GRB14: variants seen among roughly 807,000 people sequenced by gnomAD.
The protein encoded by GRB14 is growth factor receptor bound protein 14, also known as growth factor receptor-bound protein 14.
A neutral mutation model predicts 69.1 loss-of-function variants in GRB14; 38 were observed. The observed-to-expected ratio is 0.55, with a 90% confidence interval of 0.42 to 0.72. The LOEUF is 0.72. Ranked by LOEUF, GRB14 falls within the 30% of genes least tolerant of loss-of-function variation. The pLI, the probability that GRB14 is intolerant of heterozygous loss-of-function variation, is 0.00. For synonymous variants in GRB14, 247 were observed against 241.3 expected (o/e 1.02, Z -0.22); for missense variants, 666 against 666.1 (o/e 1.00, Z 0.00).
chr2:164,522,315 CTCTT>C (rs750495732), intron 5 of GRB14, among the ~76,000 whole-genome samples, 198 bp from the exon 6 acceptor site: 4 of 152,014 alleles, frequency 2.6e-5, no homozygotes, highest in African/African-American at 4.8e-5. Context: ...TCCTCTGTCT[CTCTT>C]TCTATCTCCG....
chr2:164,583,740 G>A (rs1415787705), intron 2 of GRB14, among the ~76,000 whole-genome samples: 1 of 152,060 alleles, frequency 6.6e-6, no homozygotes, highest in East Asian at 1.9e-4. Flanking sequence ...AAGAATATAA[G>A]ATAAAACATC....
At chr2:164,547,620 A>T in intron 3 of GRB14, 40 bp downstream of exon 3, 1 of 1,530,586 alleles carries the variant, frequency 6.5e-7, no homozygotes, top group Non-Finnish European at 8.9e-7. Flanking sequence ...AACAAGAAAT[A>T]GAAAAGCAAT....
At chr2:164,546,264 T>G (rs763240647) in intron 3 of GRB14, among the ~76,000 whole-genome samples, 96 of 152,192 alleles carry the variant, frequency 6.3e-4, no homozygotes, top group Non-Finnish European at 1.1e-3. Flanking sequence ...CTTTCTCTTG[T>G]GACTACAAAT....
chr2:164,505,448 G>A (rs918510888), intron 8 of GRB14, among the ~76,000 whole-genome samples: 13 of 152,072 alleles, frequency 8.5e-5, no homozygotes, highest in African/African-American at 3.1e-4. Context: ...AACCTTTGGT[G>A]GGATCAAGAA....
At chr2:164,572,618 T>G (rs761196313) in intron 2 of GRB14, among the ~76,000 whole-genome samples, 1 of 152,242 alleles carries the variant, frequency 6.6e-6, no homozygotes, top group Non-Finnish European at 1.5e-5. Flanking sequence ...ATTCAAACCC[T>G]ACCTGTCCTT....
intron 2 of GRB14, among the ~76,000 whole-genome samples, chr2:164,613,164 A>T (rs1293670107): frequency 6.6e-6 from 1 of 152,228 alleles, no homozygotes; most frequent in African/African-American, 2.4e-5. Flanking sequence ...ATTGAGACAA[A>T]GGAGCTGAAC....
At chr2:164,558,784 G>T (rs900286644) in intron 2 of GRB14, among the ~76,000 whole-genome samples, 2 of 152,182 alleles carry the variant, frequency 1.3e-5, no homozygotes, top group African/African-American at 4.8e-5. Context: ...GATTCACACA[G>T]TGAGAAAGAA....
At chr2:164,570,185 G>C (rs943738878) in intron 2 of GRB14, among the ~76,000 whole-genome samples, 2 of 149,952 alleles carry the variant, frequency 1.3e-5, no homozygotes, top group African/African-American at 4.9e-5. Context: ...TGAGAGGCAG[G>C]AGAATTGCTT....
chr2:164,519,018 C>T (rs1687566333), intron 6 of GRB14, among the ~76,000 whole-genome samples: 1 of 152,074 alleles, frequency 6.6e-6, no homozygotes. Flanking sequence ...CTATATCATT[C>T]TATGAAGCCA....
At chr2:164,539,042 C>A (rs1428002331) in intron 3 of GRB14, among the ~76,000 whole-genome samples, 2 of 151,962 alleles carry the variant, frequency 1.3e-5, no homozygotes, top group African/African-American at 4.8e-5. Context: ...TGGGAAGAAA[C>A]CAACTTGCTT....
At chr2:164,607,106 C>G (rs1227989934) in intron 2 of GRB14, among the ~76,000 whole-genome samples, 1 of 152,162 alleles carries the variant, frequency 6.6e-6, no homozygotes, top group Non-Finnish European at 1.5e-5. Context: ...TTATCCTGAC[C>G]AGGCTCTTTT....
chr2:164,542,283 C>T (rs772464042), intron 3 of GRB14, among the ~76,000 whole-genome samples: 1 of 151,996 alleles, frequency 6.6e-6, no homozygotes, highest in African/African-American at 2.4e-5. Flanking sequence ...TAGCTCAGGA[C>T]GGATTAAAGA....
intron 2 of GRB14, among the ~76,000 whole-genome samples, chr2:164,574,779 C>CA (rs1011171027): frequency 2.6e-5 from 4 of 151,360 alleles, no homozygotes; most frequent in African/African-American, 2.4e-5. Flanking sequence ...TGTCTCTCTA[C>CA]AAAAAATAAA....
At position 164,525,004 on chromosome 2, in the gene GRB14, C is replaced by G; in HGVS notation, c.678G>C (p.Gln226His). ...NGEISPTQIL[Q>H]MFLSSSTYPE... ...ATATGTTAATAAAAATATATTTTAC[C>G]TGCAAAATCTGTGTGGGGGATATTT... Residue 226 changes from glutamine (Q) to histidine (H), a missense_variant and splice_region_variant, in exon 5 of 14, where the codon CAG (glutamine) becomes CAC (histidine). Coordinates refer to ENST00000263915, the MANE Select transcript of GRB14 (RefSeq NM_004490.3). 1.3e-6 allele frequency: 2 copies of G among 1,539,146 alleles called. No homozygotes were observed. The highest frequency in any genetic ancestry group is 1.8e-6 in the Non-Finnish European group (2 of 1,127,562).
chr2:164,497,576 G>T, intron 9 of GRB14, 86 bp from the exon 10 acceptor site: 1 of 917,288 alleles, frequency 1.1e-6, no homozygotes, highest in East Asian at 2.5e-5. Flanking sequence ...CAATTTCAGT[G>T]TTTTTCTCTC....
At chr2:164,524,445 A>G (rs1019545656) in intron 5 of GRB14, among the ~76,000 whole-genome samples, 1 of 152,108 alleles carries the variant, frequency 6.6e-6, no homozygotes, top group African/African-American at 2.4e-5. Context: ...ACACAAAAAT[A>G]AGGAGATTTT....
In GRB14 at chr2:164,582,310, A is replaced by C. The variant is rs555609899; in HGVS notation, c.325-34494T>G. 2.6e-5 allele frequency among the ~76,000 whole-genome samples: 4 copies of C among 152,158 alleles called. No homozygotes were observed. In the East Asian group the frequency reaches 7.7e-4, roughly 29 times the overall value. ...GGAGTCATTTTTGACATTTCCCTCT[A>C]TTCACATCCCATATCCATATCCACT... On this transcript the variant is annotated intron_variant, in intron 2 of 13. Coordinates refer to ENST00000263915, the MANE Select transcript of GRB14 (RefSeq NM_004490.3).
chr2:164,528,820 G>A (rs554178903), intron 3 of GRB14, among the ~76,000 whole-genome samples: 1 of 152,084 alleles, frequency 6.6e-6, no homozygotes, highest in Non-Finnish European at 1.5e-5. Flanking sequence ...ACTATACTGT[G>A]CACCACCTCA....
chr2:164,501,058 AT>A (rs1454520035), intron 9 of GRB14, among the ~76,000 whole-genome samples: 3 of 152,110 alleles, frequency 2.0e-5, no homozygotes, highest in Non-Finnish European at 2.9e-5. Flanking sequence ...ATTCATTATT[AT>A]TTTTATATAC....
Sources: allele counts gnomAD v4.1 joint callset (sites outside exome capture counted in the v4.1 genomes callset), GRCh38; gene constraint gnomAD v4.1.1; transcripts MANE v1.5; gene names NCBI Gene and HGNC (gene_info 2026-07-23, HGNC 2026-07-21).